Variants in ITIH3 observed in about 807,000 individuals in gnomAD.
The protein encoded by ITIH3 is inter-alpha-trypsin inhibitor heavy chain 3.
ITIH3 carries 81 observed loss-of-function variants against 96.5 expected under a neutral mutation model. The observed-to-expected ratio is 0.84, with a 90% CI of 0.70 to 1.01. ITIH3 has a LOEUF of 1.01. Ranked by LOEUF, ITIH3 falls within the 50% of genes least tolerant of loss-of-function variation. The pLI is 0.00. For synonymous variants in ITIH3, 422 were observed against 445.2 expected (o/e 0.95, Z 0.66); for missense variants, 1,057 against 1,139.3 (o/e 0.93, Z 1.04).
At chr3:52,807,384 CTCTTG>C (rs988765137) in intron 19 of ITIH3, among the ~76,000 whole-genome samples, 95 of 152,302 alleles carry the variant, frequency 6.2e-4, no homozygotes, top group Middle Eastern at 3.4e-3. Context: ...TCTGTGGCTG[CTCTTG>C]TCTTCTTAGC....
chr3:52,797,050 G>C, intron 4 of ITIH3, 55 bp from the exon 5 acceptor site: 1 of 1,568,448 alleles, frequency 6.4e-7, no homozygotes, highest in East Asian at 2.3e-5. Context: ...CGAGGGCCGA[G>C]GAAGGGTGGG....
At chr3:52,795,830 GC>G in intron 2 of ITIH3, 1 of 553,396 alleles carries the variant, frequency 1.8e-6, no homozygotes. Context: ...GCAGGATGTA[GC>G]CCAAGAGGGC....
At chr3:52,804,864 G>A in intron 15 of ITIH3, 130 bp downstream of exon 15, 1 of 984,510 alleles carries the variant, frequency 1.0e-6, no homozygotes, top group South Asian at 1.4e-5. Flanking sequence ...CTCAGGCCCA[G>A]CCCTATTGCC....
At chr3:52,798,054 C>A in intron 6 of ITIH3, 124 bp downstream of exon 6, 1 of 632,356 alleles carries the variant, frequency 1.6e-6, no homozygotes, top group South Asian at 1.9e-5. Context: ...GGCTGGGGAT[C>A]AATCTGCAAC....
chr3:52,800,595 A>G lies in ITIH3; in HGVS notation c.1133A>G (p.Glu378Gly), dbSNP rs1418321014. ...ATCAGTATGCTGAACAAGGCCCGAG[A>G]GGAGCACAGAATCCCAGAGAGGAGC... ...RGISMLNKAR[E>G]EHRIPERSTS... Residue 378 changes from glutamate to glycine, a missense_variant, in exon 10 of 22, where the codon GAG becomes GGG. Transcript: ENST00000449956. 16 of 1,574,642 alleles carry G rather than the reference A, an allele frequency of 1.0e-5. No individual in the cohort carries two copies. The highest frequency in any genetic ancestry group is 1.4e-5 in the Non-Finnish European group (16 of 1,159,922).
intron 13 of ITIH3, among the ~76,000 whole-genome samples, chr3:52,803,393 A>G (rs1197800992): frequency 6.7e-6 from 1 of 149,204 alleles, no homozygotes. Context: ...ATCTCGGCTC[A>G]CTGCAAGCTC....
Position 52,796,623 on chromosome 3 carries a change from C to T in ITIH3, c.257C>T (p.Thr86Met), listed in dbSNP as rs370898130. 1.6e-5 allele frequency: 25 copies of T among 1,612,696 alleles called. 1 individual carries two copies. The highest frequency in any genetic ancestry group is 1.6e-4 in the Middle Eastern group (1 of 6,080). ...EVSFDVELPK[T>M]AFITNFTLTI... Reference sequence around the variant, plus strand: ...TCCTTTGATGTGGAGCTGCCCAAGACGGCCTTCATCACCAACTTCACCTTG... The same window carrying T: ...TCCTTTGATGTGGAGCTGCCCAAGATGGCCTTCATCACCAACTTCACCTTG... The change falls in exon 3 of 22, where the codon ACG becomes ATG. Residue 86 changes from threonine (T) to methionine (M), a missense_variant. By Grantham distance (81) the Thr-to-Met change is moderately conservative. Coordinates refer to ENST00000449956, the MANE Select transcript of ITIH3 (RefSeq NM_002217.4).
At position 52,804,735 on chromosome 3, in the gene ITIH3, G is replaced by A. The variant is rs1429561244; in HGVS notation, c.1873+1G>A. On this transcript the variant is annotated splice_donor_variant, in intron 15 of 21. Coordinates refer to ENST00000449956, the MANE Select transcript of ITIH3 (RefSeq NM_002217.4). LOFTEE classifies it high-confidence loss of function. The stretch of plus-strand genomic sequence containing the variant: ...CTTGCTGCACCTGCAGATGCAGAAG[G>A]TAAGCCTTTAGCCAGCCACCGGGTT... 2.5e-6 allele frequency: 4 copies of A among 1,589,008 alleles called. No individual in the cohort carries two copies. The highest frequency in any genetic ancestry group is 3.4e-6 in the Non-Finnish European group (4 of 1,166,610).
intron 15 of ITIH3, chr3:52,805,157 C>A: frequency 3.1e-6 from 1 of 326,926 alleles, no homozygotes; most frequent in Non-Finnish European, 4.6e-6. Context: ...GTACTTAGGC[C>A]AAGGCAGTCT....
At chr3:52,803,572 G>A (rs1422575898) in intron 13 of ITIH3, among the ~76,000 whole-genome samples, 1 of 152,184 alleles carries the variant, frequency 6.6e-6, no homozygotes, top group Non-Finnish European at 1.5e-5. Flanking sequence ...ACCCGCCTTG[G>A]CCTCCCAAAG....
At position 52,804,862 on chromosome 3, in the gene ITIH3, C is replaced by T. The variant is rs559099777; in HGVS notation, c.1873+128C>T. 89 of 1,035,774 alleles carry T rather than the reference C, an allele frequency of 8.6e-5. No homozygotes were observed. The East Asian group carries it at 2.2e-3, about 25-fold the overall frequency. The allele number at this position is 1,035,774 out of a possible 1,614,324, so 64.2% of individuals were successfully genotyped here. Reference sequence around the variant, plus strand: ...CACTTGGGACACCTGGGCTCAGGCCCAGCCCTATTGCCAAATCATGAACGT... The same window carrying T: ...CACTTGGGACACCTGGGCTCAGGCCTAGCCCTATTGCCAAATCATGAACGT... On this transcript the variant is annotated intron_variant, in intron 15 of 21. Transcript: ENST00000449956.
chr3:52,798,982 A>G lies in ITIH3; in HGVS notation c.680A>G (p.Lys227Arg). Reference protein sequence around the residue: ...FSGKKGHVSFKPSLDQQRSCP... With the variant: ...FSGKKGHVSFRPSLDQQRSCP... ...ATCCCTTAGGGCCATGTGTCCTTCA[A>G]GCCCAGCTTAGACCAACAGCGTTCA... Residue 227 changes from lysine (K) to arginine (R), a missense_variant, in exon 7 of 22, where the codon AAG becomes AGG. Lys to Arg is a conservative substitution (Grantham distance 26). Transcript: ENST00000449956. 1 of 1,613,418 alleles carries G rather than the reference A, an allele frequency of 6.2e-7. No homozygotes were observed. The highest frequency in any genetic ancestry group is 1.6e-4 in the Middle Eastern group (1 of 6,062).
intron 11 of ITIH3, among the ~76,000 whole-genome samples, chr3:52,801,816 T>C (rs1436564584): frequency 6.6e-6 from 1 of 152,216 alleles, no homozygotes; most frequent in Admixed American, 6.5e-5. Flanking sequence ...ACTAAAAAAT[T>C]ATTCATTGTT....
intron 1 of ITIH3, among the ~76,000 whole-genome samples, chr3:52,795,260 G>A (rs1438901659): frequency 6.6e-6 from 1 of 152,204 alleles, no homozygotes; most frequent in East Asian, 1.9e-4. Flanking sequence ...TGCTCTGGAA[G>A]GAGGCCTAAA....
rs140198960 is a variant in ITIH3 at position 52,802,651 on chromosome 3, T to C, written c.1570-16T>C. 19,305 of 1,613,718 alleles carry C rather than the reference T, an allele frequency of 0.012. 805 individuals carry two copies. The highest frequency in any genetic ancestry group is 0.12 in the South Asian group (10,739 of 91,070). On this transcript the variant is annotated splice_polypyrimidine_tract_variant and intron_variant, in intron 12 of 21. Transcript: ENST00000449956. ...CCAAGCCTCCAGCCCCTTGCCTCCT[T>C]CTACCCCCACCCTAGGCCACCAACG...
At chr3:52,798,485 C>T (rs777824969) in intron 6 of ITIH3, 2 of 180,378 alleles carry the variant, frequency 1.1e-5, no homozygotes, top group African/African-American at 2.4e-5. Flanking sequence ...CATCCTGCCC[C>T]GGGACCCTCC....
chr3:52,805,367 G>A, intron 15 of ITIH3: 1 of 1,022,370 alleles, frequency 9.8e-7, no homozygotes, highest in Non-Finnish European at 1.2e-6. Flanking sequence ...AAATGTACCG[G>A]TGCATGTGAG....
intron 15 of ITIH3, chr3:52,805,482 T>C: frequency 8.8e-7 from 1 of 1,130,074 alleles, no homozygotes; most frequent in Non-Finnish European, 1.1e-6. Context: ...TCACCCCAAC[T>C]AGGGGGTGGG....
chr3:52,798,535 G>C, intron 6 of ITIH3: 1 of 181,932 alleles, frequency 5.5e-6, no homozygotes, highest in East Asian at 1.4e-4. Flanking sequence ...CCTCCTCTTG[G>C]CACCCACACA....
Sources: allele counts gnomAD v4.1 joint callset (sites outside exome capture counted in the v4.1 genomes callset), GRCh38; gene constraint gnomAD v4.1.1; transcripts MANE v1.5; gene names NCBI Gene and HGNC (gene_info 2026-07-23, HGNC 2026-07-21).